AUTS2: variants seen among roughly 807,000 people sequenced by gnomAD.
The protein encoded by AUTS2 is activator of transcription and developmental regulator AUTS2.
AUTS2 carries 17 observed loss-of-function variants against 112.4 expected under a neutral mutation model. That is an observed-to-expected ratio of 0.15 (90% CI 0.10 to 0.23). The LOEUF (loss-of-function observed/expected upper bound fraction) is 0.23. Among genes scored for constraint, AUTS2 ranks in the 10% least tolerant of loss-of-function variants. The pLI, the probability that AUTS2 is intolerant of heterozygous loss-of-function variation, is 1.00. For synonymous variants in AUTS2, 751 were observed against 702.7 expected (o/e 1.07, Z -1.09); for missense variants, 1,510 against 1,701.6 (o/e 0.89, Z 1.98).
intron 1 of AUTS2, among the ~76,000 whole-genome samples, chr7:69,639,760 AGT>A (rs778926926): frequency 1.8e-4 from 28 of 152,352 alleles, no homozygotes; most frequent in Non-Finnish European, 3.5e-4. Flanking sequence ...GTGTTGTGGC[AGT>A]GCTTAGAGAA....
chr7:70,000,607 A>G (rs1799147403), intron 2 of AUTS2, among the ~76,000 whole-genome samples: 2 of 152,212 alleles, frequency 1.3e-5, no homozygotes, highest in Non-Finnish European at 1.5e-5. Context: ...GGAGAGAGAA[A>G]TAATTCAATT....
At chr7:70,413,220 A>C (rs1185406119) in intron 4 of AUTS2, among the ~76,000 whole-genome samples, 1 of 152,206 alleles carries the variant, frequency 6.6e-6, no homozygotes, top group Non-Finnish European at 1.5e-5. Context: ...TTGTGTATTT[A>C]AGTAACCAGA....
intron 2 of AUTS2, among the ~76,000 whole-genome samples, chr7:70,099,991 A>T (rs1804400095): frequency 6.6e-6 from 1 of 152,206 alleles, no homozygotes; most frequent in South Asian, 2.1e-4. Context: ...TTAAGGGTAG[A>T]GAACAGCAGT....
chr7:69,945,941 A>G (rs972449056), intron 2 of AUTS2, among the ~76,000 whole-genome samples: 55 of 152,240 alleles, frequency 3.6e-4, no homozygotes, highest in East Asian at 3.9e-4. Context: ...GGCTCAAGCA[A>G]TCTTCCCACC....
Position 70,073,388 on chromosome 7 carries a change from G to C in AUTS2, c.523-44744G>C, listed in dbSNP as rs553324031. The stretch of plus-strand genomic sequence containing the variant: ...TAGCTGGGCATGATGGCGCACACCT[G>C]TAATCCCAGCTACTCGGGGGGCTGT... On this transcript the variant is annotated intron_variant, in intron 2 of 18. Coordinates refer to ENST00000342771, the MANE Select transcript of AUTS2 (RefSeq NM_015570.4). 1.1e-4 allele frequency among the ~76,000 whole-genome samples: 16 copies of C among 151,854 alleles called. No individual in the cohort carries two copies. The South Asian group carries it at 2.3e-3, about 22-fold the overall frequency.
At chr7:70,358,700 A>C (rs1415590289) in intron 4 of AUTS2, among the ~76,000 whole-genome samples, 1 of 152,228 alleles carries the variant, frequency 6.6e-6, no homozygotes, top group East Asian at 1.9e-4. Flanking sequence ...CCACGACTTC[A>C]TGGATTCTTG....
At chr7:69,999,683 A>G (rs1799099675) in intron 2 of AUTS2, among the ~76,000 whole-genome samples, 1 of 152,214 alleles carries the variant, frequency 6.6e-6, no homozygotes. Context: ...CAACAACAAA[A>G]AAGCCCAAAA....
chr7:69,903,015 G>A (rs75709651), intron 2 of AUTS2, among the ~76,000 whole-genome samples: 186 of 152,272 alleles, frequency 1.2e-3, no homozygotes, highest in African/African-American at 4.2e-3. Context: ...ATACAAAATA[G>A]CGCATGTCTT....
intron 5 of AUTS2, among the ~76,000 whole-genome samples, chr7:70,599,150 C>T (rs571652245): frequency 3.7e-4 from 57 of 152,318 alleles, no homozygotes; most frequent in Non-Finnish European, 7.5e-4. Context: ...AGATTACTCA[C>T]TTCTGCCCAA....
intron 5 of AUTS2, among the ~76,000 whole-genome samples, chr7:70,460,414 G>C (rs1220362545): frequency 2.3e-5 from 3 of 130,734 alleles, no homozygotes; most frequent in Non-Finnish European, 4.6e-5. Context: ...GCAATGGCAC[G>C]ATCTTGGCTC....
At chr7:70,574,528 A>T (rs1802079022) in intron 5 of AUTS2, among the ~76,000 whole-genome samples, 2 of 152,194 alleles carry the variant, frequency 1.3e-5, no homozygotes, top group East Asian at 3.9e-4. Context: ...AGTACAAGCA[A>T]CGTTTGAACT....
chr7:70,761,197 C>T (rs965499713), intron 6 of AUTS2, among the ~76,000 whole-genome samples: 7 of 152,276 alleles, frequency 4.6e-5, no homozygotes, highest in African/African-American at 1.7e-4. Context: ...ATCCTGGCTA[C>T]CCAGGAGGCT....
chr7:69,969,181 T>C (rs1797748739), intron 2 of AUTS2, among the ~76,000 whole-genome samples: 2 of 152,072 alleles, frequency 1.3e-5, no homozygotes, highest in South Asian at 4.1e-4. Flanking sequence ...TGTTCTGTCA[T>C]GGGAACCTGA....
chr7:70,499,930 G>C (rs1263425402), intron 5 of AUTS2, among the ~76,000 whole-genome samples: 1 of 152,180 alleles, frequency 6.6e-6, no homozygotes, highest in African/African-American at 2.4e-5. Context: ...GACTCCAGCT[G>C]TGTGCTGGGT....
chr7:70,744,671 C>T (rs1235764040), intron 6 of AUTS2, among the ~76,000 whole-genome samples: 1 of 152,188 alleles, frequency 6.6e-6, no homozygotes, highest in Non-Finnish European at 1.5e-5. Context: ...GTGACATATT[C>T]GAGGTGGCAA....
intron 2 of AUTS2, among the ~76,000 whole-genome samples, chr7:70,089,264 T>A (rs1386071224): frequency 6.6e-6 from 1 of 152,212 alleles, no homozygotes; most frequent in Non-Finnish European, 1.5e-5. Flanking sequence ...TATAGATTTT[T>A]TTTATTTCTC....
intron 4 of AUTS2, among the ~76,000 whole-genome samples, chr7:70,167,042 A>T (rs1808419486): frequency 6.6e-6 from 1 of 152,312 alleles, no homozygotes; most frequent in East Asian, 1.9e-4. Context: ...CCTGGCCAAC[A>T]TGGTGAAACC....
At chr7:69,755,940 C>T (rs1310930375) in intron 1 of AUTS2, among the ~76,000 whole-genome samples, 1 of 152,108 alleles carries the variant, frequency 6.6e-6, no homozygotes, top group Non-Finnish European at 1.5e-5. Flanking sequence ...AATGGTTATC[C>T]CTGGATGCCA....
intron 6 of AUTS2, among the ~76,000 whole-genome samples, chr7:70,732,691 A>T (rs1192360767): frequency 6.6e-6 from 1 of 152,114 alleles, no homozygotes; most frequent in Non-Finnish European, 1.5e-5. Context: ...TCCCTTTAAC[A>T]ATTTGTCATC....
Sources: allele counts gnomAD v4.1 joint callset (sites outside exome capture counted in the v4.1 genomes callset), GRCh38; gene constraint gnomAD v4.1.1; transcripts MANE v1.5; gene names NCBI Gene and HGNC (gene_info 2026-07-23, HGNC 2026-07-21).